Variants in NCK1 observed in about 807,000 individuals in gnomAD.
The protein encoded by NCK1 is SH2/SH3 adapter protein NCK1.
In NCK1, 19 loss-of-function variants were observed where a neutral mutation model predicts 36.6. The ratio of observed to expected loss-of-function variants is 0.52; its 90% CI spans 0.36 to 0.76. NCK1 has a LOEUF of 0.76. Ranked by LOEUF, NCK1 falls within the 30% of genes least tolerant of loss-of-function variation. NCK1 has a pLI of 0.00. For synonymous variants in NCK1, 165 were observed against 156.0 expected (o/e 1.06, Z -0.43); for missense variants, 358 against 445.6 (o/e 0.80, Z 1.77).
At chr3:136,945,496 A>G (rs1418817740) in intron 2 of NCK1, 87 bp from the exon 3 acceptor site, 4 of 938,554 alleles carry the variant, frequency 4.3e-6, no homozygotes, top group South Asian at 3.6e-5. Context: ...ATAGAGTTGA[A>G]GATCTCTTTT....
intron 1 of NCK1, among the ~76,000 whole-genome samples, chr3:136,927,439 G>A (rs191747517): frequency 1.3e-5 from 2 of 152,246 alleles, no homozygotes; most frequent in Admixed American, 1.3e-4. Flanking sequence ...TTTTTCATTG[G>A]GTAGTGAACT....
At chr3:136,890,131 G>C (rs1939197783) in intron 1 of NCK1, among the ~76,000 whole-genome samples, 1 of 152,192 alleles carries the variant, frequency 6.6e-6, no homozygotes, top group African/African-American at 2.4e-5. Flanking sequence ...TGCAGGTCCC[G>C]AGCCCTGCCC....
At chr3:136,867,185 TTTC>T (rs368425994) in intron 1 of NCK1, among the ~76,000 whole-genome samples, 5,646 of 74,654 alleles carry the variant, frequency 0.076, 710 homozygotes, top group East Asian at 0.44. Flanking sequence ...TCCTTCTTTC[TTTC>T]TTTTCTTTCT....
intron 1 of NCK1, among the ~76,000 whole-genome samples, chr3:136,881,238 G>T (rs962073620): frequency 4.0e-5 from 6 of 151,640 alleles, no homozygotes; most frequent in African/African-American, 1.5e-4. Flanking sequence ...AATTTTTTTT[G>T]AGATGGAGTC....
At chr3:136,907,803 A>G (rs970507724) in intron 1 of NCK1, among the ~76,000 whole-genome samples, 11 of 152,162 alleles carry the variant, frequency 7.2e-5, no homozygotes, top group African/African-American at 2.7e-4. Flanking sequence ...AATACTGTCC[A>G]TGACTCAGAC....
intron 1 of NCK1, among the ~76,000 whole-genome samples, chr3:136,923,969 A>G (rs1344873843): frequency 6.6e-6 from 1 of 152,214 alleles, no homozygotes; most frequent in Non-Finnish European, 1.5e-5. Context: ...ATAGAACAAT[A>G]AGCAAAATTT....
intron 1 of NCK1, among the ~76,000 whole-genome samples, chr3:136,924,608 T>C (rs1940192662): frequency 6.6e-6 from 1 of 152,222 alleles, no homozygotes; most frequent in Non-Finnish European, 1.5e-5. Flanking sequence ...CTTTTCAAAA[T>C]GAGCTTTTGA....
At chr3:136,917,114 T>C (rs968326599) in intron 1 of NCK1, among the ~76,000 whole-genome samples, 3 of 152,178 alleles carry the variant, frequency 2.0e-5, no homozygotes, top group African/African-American at 4.8e-5. Context: ...TCAGTTTATG[T>C]GAGAACAATG....
chr3:136,914,847 G>C (rs1393062177), intron 1 of NCK1, among the ~76,000 whole-genome samples: 4 of 152,140 alleles, frequency 2.6e-5, no homozygotes, highest in African/African-American at 9.7e-5. Flanking sequence ...TGGGTCGTGG[G>C]AGTGGATCCC....
At chr3:136,921,931 G>C (rs980521766) in intron 1 of NCK1, among the ~76,000 whole-genome samples, 2 of 152,078 alleles carry the variant, frequency 1.3e-5, no homozygotes, top group Non-Finnish European at 1.5e-5. Context: ...CTACAGGCAC[G>C]CACCACCACG....
Position 136,950,373 on chromosome 3 carries a change from TGTA to T in NCK1, c.*1925_*1927del, listed in dbSNP as rs1178045058. Reference sequence around the variant, plus strand: ...GAGCAGACTTTTGAGAAAGTAGGAGTGTAGTAGCACTGGAAACAGAATGCAAAT... The same window carrying T: ...GAGCAGACTTTTGAGAAAGTAGGAGTGTAGCACTGGAAACAGAATGCAAAT... On this transcript the variant is annotated 3_prime_UTR_variant, in exon 4 of 4. Coordinates refer to ENST00000481752, the MANE Select transcript of NCK1 (RefSeq NM_001291999.2). Among the ~76,000 whole-genome samples the T allele has an allele frequency of 6.6e-6, 1 of 151,922 alleles. No individual in the cohort carries two copies. Among genetic ancestry groups the T allele is most frequent in the Non-Finnish European group, 1.5e-5 (1 of 67,890 alleles).
chr3:136,897,686 T>C (rs1176570631), intron 1 of NCK1, among the ~76,000 whole-genome samples: 1 of 152,150 alleles, frequency 6.6e-6, no homozygotes, highest in Admixed American at 6.5e-5. Flanking sequence ...CTCTTCACCC[T>C]TTTTTTAGAC....
At position 136,945,679 on chromosome 3, in the gene NCK1, A is replaced by G. The variant is rs1029293238; in HGVS notation, c.323A>G (p.Asn108Ser). 10 of 1,614,068 alleles carry G rather than the reference A, an allele frequency of 6.2e-6. No homozygotes were observed. Among genetic ancestry groups the G allele is most frequent in the South Asian group, 2.2e-5 (2 of 91,090 alleles). ...VDPGERLYDL[N>S]MPAYVKFNYM... ...CCAGGGGAACGTCTCTATGACCTCA[A>G]CATGCCCGCTTATGTGAAATTTAAC... Residue 108 changes from asparagine (N) to serine (S), a missense_variant, in exon 3 of 4, where the codon AAC becomes AGC. Physicochemically the swap from Asn to Ser is conservative, Grantham distance 46 (BLOSUM62 1). Transcript: ENST00000481752.
chr3:136,945,478 A>C (rs1940786709), intron 2 of NCK1, 105 bp from the exon 3 acceptor site: 4 of 721,544 alleles, frequency 5.5e-6, no homozygotes, highest in African/African-American at 1.8e-5. Flanking sequence ...AAAGCTTTAA[A>C]GATCTATATA....
chr3:136,901,591 T>TGTTCAA (rs1939542969), intron 1 of NCK1, among the ~76,000 whole-genome samples: 3 of 152,214 alleles, frequency 2.0e-5, no homozygotes, highest in Non-Finnish European at 4.4e-5. Flanking sequence ...TATTTCTTCC[T>TGTTCAA]GATTCAATCT....
intron 2 of NCK1, among the ~76,000 whole-genome samples, chr3:136,934,542 T>C (rs1376820764): frequency 2.0e-5 from 3 of 152,160 alleles, no homozygotes; most frequent in African/African-American, 7.2e-5. Context: ...CGCCTCAGTC[T>C]CCCAAAGTGC....
chr3:136,880,388 G>A (rs567071939), intron 1 of NCK1, among the ~76,000 whole-genome samples: 19 of 152,136 alleles, frequency 1.2e-4, no homozygotes, highest in African/African-American at 4.3e-4. Flanking sequence ...CCATGACTTC[G>A]GGCCTTTTAA....
intron 2 of NCK1, among the ~76,000 whole-genome samples, chr3:136,933,850 G>C (rs1182786638): frequency 6.6e-6 from 1 of 151,960 alleles, no homozygotes; most frequent in Non-Finnish European, 1.5e-5. Flanking sequence ...GACTACAGGT[G>C]CATGCCACCA....
At chr3:136,890,174 C>A (rs1350767543) in intron 1 of NCK1, among the ~76,000 whole-genome samples, 1 of 152,206 alleles carries the variant, frequency 6.6e-6, no homozygotes, top group Non-Finnish European at 1.5e-5. Context: ...GGCAAGAAAT[C>A]GAGCGCAGCG....
Sources: allele counts gnomAD v4.1 joint callset (sites outside exome capture counted in the v4.1 genomes callset), GRCh38; gene constraint gnomAD v4.1.1; transcripts MANE v1.5; gene names NCBI Gene and HGNC (gene_info 2026-07-23, HGNC 2026-07-21).